Variants in SHISA9 observed in about 807,000 individuals in gnomAD.
SHISA9 encodes the protein protein shisa-9.
In SHISA9, 13 loss-of-function variants were observed where a neutral mutation model predicts 38.0. The ratio of observed to expected loss-of-function variants is 0.34; its 90% confidence interval spans 0.22 to 0.54. The LOEUF (loss-of-function observed/expected upper bound fraction) is 0.54. Among genes scored for constraint, SHISA9 ranks in the 20% least tolerant of loss-of-function variants. The pLI is 0.91. For synonymous variants in SHISA9, 275 were observed against 242.0 expected, an observed-to-expected ratio of 1.14 and a Z score of -1.27; for missense variants, 538 against 575.8, an observed-to-expected ratio of 0.93 and a Z score of 0.67.
chr16:13,469,316 GAGAGAGAAAGAAAGAAAGAA>G, the SHISA9 span, among the ~76,000 whole-genome samples: 4 of 53,670 alleles, frequency 7.5e-5, no homozygotes, highest in African/African-American at 2.9e-4. Context: ...GAGAGAGAGA[GAGAGAGAAAGAAAGAAAGAA>G]AGAAAGAAAG....
chr16:13,290,535 C>G, the SHISA9 span, among the ~76,000 whole-genome samples: 1 of 152,130 alleles, frequency 6.6e-6, no homozygotes, highest in African/African-American at 2.4e-5. Flanking sequence ...TGTCGTGTTT[C>G]CTGTTATCCA....
chr16:13,532,780 T>C, the SHISA9 span, among the ~76,000 whole-genome samples: 3 of 152,160 alleles, frequency 2.0e-5, no homozygotes, highest in African/African-American at 7.2e-5. Context: ...TTTCAAAGTC[T>C]TCTGCTGATT....
At chr16:13,062,074 T>C (rs1425812640) in intron 2 of SHISA9, among the ~76,000 whole-genome samples, 1 of 152,198 alleles carries the variant, frequency 6.6e-6, no homozygotes, top group African/African-American at 2.4e-5. Flanking sequence ...CCAAGTCTGT[T>C]GCAGCTTGGG....
intron 2 of SHISA9, among the ~76,000 whole-genome samples, chr16:13,052,838 G>A (rs1177950945): frequency 2.0e-5 from 3 of 152,108 alleles, no homozygotes; most frequent in East Asian, 1.9e-4. Flanking sequence ...CTTTCACTAT[G>A]GGTGTGGTTA....
the SHISA9 span, among the ~76,000 whole-genome samples, chr16:13,336,118 G>C: frequency 3.3e-5 from 5 of 152,154 alleles, no homozygotes; most frequent in African/African-American, 1.2e-4. Flanking sequence ...CGTCTCCCAG[G>C]AGCTAGTGGA....
intron 2 of SHISA9, among the ~76,000 whole-genome samples, chr16:13,086,379 GA>G: frequency 7.4e-6 from 1 of 136,044 alleles, no homozygotes; most frequent in African/African-American, 2.8e-5. Flanking sequence ...AAAAAAAGAA[GA>G]AGAATATTGT....
At chr16:13,502,994 A>T in the SHISA9 span, among the ~76,000 whole-genome samples, 1 of 152,242 alleles carries the variant, frequency 6.6e-6, no homozygotes, top group Non-Finnish European at 1.5e-5. Flanking sequence ...AAACAATCAG[A>T]ATATAGTGAT....
the SHISA9 span, among the ~76,000 whole-genome samples, chr16:13,334,017 T>C: frequency 6.6e-6 from 1 of 152,230 alleles, no homozygotes; most frequent in South Asian, 2.1e-4. Flanking sequence ...ACATGAATCT[T>C]ATTCCATTTG....
intron 4 of SHISA9, among the ~76,000 whole-genome samples, chr16:13,232,524 T>C (rs897190145): frequency 6.6e-6 from 1 of 152,152 alleles, no homozygotes; most frequent in African/African-American, 2.4e-5. Flanking sequence ...CTGAGCCAAA[T>C]AGGAGTGACC....
chr16:13,550,804 G>A, the SHISA9 span, among the ~76,000 whole-genome samples: 435 of 152,244 alleles, frequency 2.9e-3, 1 homozygote, highest in African/African-American at 9.7e-3. Flanking sequence ...CTTGATTTGT[G>A]GGAAGAACAC....
chr16:13,398,412 A>G, the SHISA9 span, among the ~76,000 whole-genome samples: 1 of 152,084 alleles, frequency 6.6e-6, no homozygotes, highest in Admixed American at 6.5e-5. Context: ...TTCAAGGGTC[A>G]GCTGTATATA....
chr16:13,556,415 G>A, the SHISA9 span, among the ~76,000 whole-genome samples: 1 of 152,018 alleles, frequency 6.6e-6, no homozygotes, highest in African/African-American at 2.4e-5. Flanking sequence ...TAAACAATCA[G>A]CTTGGGAGGC....
chr16:13,543,790 C>A, the SHISA9 span, among the ~76,000 whole-genome samples: 1 of 152,170 alleles, frequency 6.6e-6, no homozygotes, highest in African/African-American at 2.4e-5. Flanking sequence ...GTAGCATCGA[C>A]CCTTCCTTCC....
chr16:13,186,390 T>C (rs181172417), intron 2 of SHISA9, among the ~76,000 whole-genome samples: 8 of 144,744 alleles, frequency 5.5e-5, no homozygotes, highest in Non-Finnish European at 6.0e-5. Flanking sequence ...CTCTGCCTAC[T>C]GGGTTCAAGC....
intron 2 of SHISA9, among the ~76,000 whole-genome samples, chr16:13,044,240 A>G (rs2073163108): frequency 6.6e-6 from 1 of 152,186 alleles, no homozygotes; most frequent in Non-Finnish European, 1.5e-5. Flanking sequence ...GGTTGGTGCA[A>G]AAATAATTTT....
chr16:13,517,968 T>A, the SHISA9 span, among the ~76,000 whole-genome samples: 3 of 152,128 alleles, frequency 2.0e-5, no homozygotes. Flanking sequence ...GCTCTTCTGG[T>A]CTCCATGGCA....
chr16:13,498,875 A>G, the SHISA9 span, among the ~76,000 whole-genome samples: 1 of 152,228 alleles, frequency 6.6e-6, no homozygotes, highest in Admixed American at 6.5e-5. Context: ...AGGAAAGGGG[A>G]GAAGTCAGTC....
At chr16:13,162,031 G>A (rs960274772) in intron 2 of SHISA9, among the ~76,000 whole-genome samples, 3 of 152,124 alleles carry the variant, frequency 2.0e-5, no homozygotes, top group African/African-American at 7.2e-5. Context: ...ACCAACCTTG[G>A]ATTAATTAGA....
chr16:13,069,206 G>C lies in SHISA9; in HGVS notation c.692-134188G>C, dbSNP rs561989431. On this transcript the variant is annotated intron_variant, in intron 2 of 4. Coordinates refer to ENST00000558583, the MANE Select transcript of SHISA9 (RefSeq NM_001145204.3). The stretch of plus-strand genomic sequence containing the variant: ...TGTATATGTGTATACATGTGTACAT[G>C]CATGCAATGTGTGTATGTATGCATG... Among the ~76,000 whole-genome samples, 384 of 151,612 alleles carry C rather than the reference G, an allele frequency of 2.5e-3. 4 individuals carry two copies. The highest frequency in any genetic ancestry group is 8.8e-3 in the African/African-American group (365 of 41,244).
Sources: gnomAD v4.1 joint callset for allele counts (sites outside exome capture counted in the v4.1 genomes callset) on GRCh38, gnomAD v4.1.1 for gene constraint, MANE v1.5 for transcripts, NCBI Gene and HGNC (gene_info 2026-07-23, HGNC 2026-07-21) for gene names.